The following ATP7B variants were observed in gnomAD, a reference collection of about 807,000 sequenced individuals.
ATP7B encodes the protein copper-transporting ATPase 2.
A neutral mutation model predicts 118.9 loss-of-function variants in ATP7B; 113 were observed. That is an observed-to-expected ratio of 0.95 (90% CI 0.82 to 1.11). The LOEUF (loss-of-function observed/expected upper bound fraction) is 1.11. Ranked by LOEUF, ATP7B falls within the 50% of genes most tolerant of loss-of-function variation. The pLI, the probability that ATP7B is intolerant of heterozygous loss-of-function variation, is 0.00. For synonymous variants in ATP7B, 777 were observed against 727.4 expected (o/e 1.07, Z -1.10); for missense variants, 1,867 against 1,871.4 (o/e 1.00, Z 0.04).
intron 17 of ATP7B, among the ~76,000 whole-genome samples, chr13:51,938,753 A>G (rs1017433827): frequency 1.3e-5 from 2 of 152,224 alleles, no homozygotes; most frequent in African/African-American, 4.8e-5. Context: ...TGTCTATCTC[A>G]GCCCTTAGGT....
intron 1 of ATP7B, among the ~76,000 whole-genome samples, chr13:51,995,791 G>A (rs954555933): frequency 9.2e-5 from 14 of 152,232 alleles, no homozygotes; most frequent in Admixed American, 3.3e-4. Flanking sequence ...ATCTACAACC[G>A]TCCCAGCACT....
Position 51,970,615 on chromosome 13 carries a change from T to C in ATP7B, c.1420A>G (p.Ile474Val). 1.2e-6 allele frequency: 2 copies of C among 1,614,168 alleles called. No homozygotes were observed. Among genetic ancestry groups the C allele is most frequent in the East Asian group, 2.2e-5 (1 of 44,868 alleles). The change falls in exon 3 of 21, where the codon ATC becomes GTC. Residue 474 changes from isoleucine (I) to valine (V), a missense_variant. Transcript: ENST00000242839. ...GTTGATTGTGGGGACTTTGCCAAGA[T>C]GTCCGGGGCATGGTTTGCAGGGAGC... ...GRLPANHAPDILAKSPQSTRA... is the reference protein window; with the variant it reads ...GRLPANHAPDVLAKSPQSTRA...
chr13:51,950,078 C>T lies in ATP7B; in HGVS notation c.2659G>A (p.Ala887Thr), dbSNP rs768479687. Residue 887 changes from alanine to threonine, a missense_variant, in exon 11 of 21, where the codon GCT becomes ACT. Ala to Thr is a moderately conservative substitution (Grantham distance 58). Coordinates refer to ENST00000242839, the MANE Select transcript of ATP7B (RefSeq NM_000053.4). Reference protein sequence around the residue: ...INAHGSVLIKATHVGNDTTLA... With the variant: ...INAHGSVLIKTTHVGNDTTLA... ...GTGGTGTCATTGCCCACGTGGGTAGCTTTAATGAGCACAGAGCCATGTGCA... is the reference window on the plus strand; with the variant it reads ...GTGGTGTCATTGCCCACGTGGGTAGTTTTAATGAGCACAGAGCCATGTGCA... The T allele has an allele frequency of 1.7e-5, 28 of 1,614,092 alleles. No homozygotes were observed. The highest frequency in any genetic ancestry group is 2.3e-5 in the Non-Finnish European group (27 of 1,180,044).
intron 6 of ATP7B, among the ~76,000 whole-genome samples, chr13:51,961,041 C>T (rs1832689785): frequency 6.6e-6 from 1 of 152,068 alleles, no homozygotes; most frequent in African/African-American, 2.4e-5. Context: ...GTAAGCTCCT[C>T]CTGTGCCCCA....
At chr13:51,969,900 G>C (rs945934928) in intron 3 of ATP7B, among the ~76,000 whole-genome samples, 1 of 152,138 alleles carries the variant, frequency 6.6e-6, no homozygotes, top group African/African-American at 2.4e-5. Flanking sequence ...CACATCACTG[G>C]GGTAAGAAAA....
intron 1 of ATP7B, among the ~76,000 whole-genome samples, chr13:52,000,168 C>G (rs1049567684): frequency 6.6e-6 from 1 of 152,190 alleles, no homozygotes; most frequent in Non-Finnish European, 1.5e-5. Context: ...ACTCAGGCTG[C>G]TATCACAAAA....
Position 51,934,690 on chromosome 13 carries a change from GGCT to G in ATP7B, c.*63_*65del. 6.2e-7 allele frequency: 1 copy of G among 1,602,554 alleles called. No individual in the cohort carries two copies. Among genetic ancestry groups the G allele is most frequent in the Non-Finnish European group, 8.5e-7 (1 of 1,177,056 alleles). Reference sequence around the variant, plus strand: ...GGCTAGCTCAGCCCATCCTGCTGCTGGCTGTCCTGCTCAGCTTGTGGTGAGTGG... The same window carrying G: ...GGCTAGCTCAGCCCATCCTGCTGCTGGTCCTGCTCAGCTTGTGGTGAGTGG... On this transcript the variant is annotated 3_prime_UTR_variant, in exon 21 of 21. Coordinates refer to ENST00000242839, the MANE Select transcript of ATP7B (RefSeq NM_000053.4).
chr13:51,977,603 AAGG>A (rs1345727810), intron 1 of ATP7B, among the ~76,000 whole-genome samples: 3 of 152,250 alleles, frequency 2.0e-5, no homozygotes, highest in Non-Finnish European at 4.4e-5. Flanking sequence ...TTATAAGTAG[AAGG>A]AGTACACTCT....
At chr13:51,995,335 G>A in intron 1 of ATP7B, 3 of 985,350 alleles carry the variant, frequency 3.0e-6, no homozygotes, top group South Asian at 4.7e-5. Flanking sequence ...TCATTTCCCA[G>A]GTTCCATTCA....
At chr13:51,959,988 A>G in intron 7 of ATP7B, 160 bp downstream of exon 7, 1 of 1,024,796 alleles carries the variant, frequency 9.8e-7, no homozygotes, top group Non-Finnish European at 1.5e-6. Flanking sequence ...CTGGTCATTA[A>G]GAGAGAAAAA....
intron 1 of ATP7B, among the ~76,000 whole-genome samples, chr13:52,009,646 T>G (rs1364933110): frequency 6.6e-6 from 1 of 152,178 alleles, no homozygotes; most frequent in Non-Finnish European, 1.5e-5. Flanking sequence ...CATTTGTCAG[T>G]TGATTTTTCA....
At chr13:51,953,532 C>T (rs1958138650) in intron 9 of ATP7B, among the ~76,000 whole-genome samples, 1 of 152,164 alleles carries the variant, frequency 6.6e-6, no homozygotes, top group Non-Finnish European at 1.5e-5. Flanking sequence ...ATCTTTCTAA[C>T]TCTAAGCAGC....
At chr13:51,950,198 C>A (rs370415961) in intron 10 of ATP7B, 37 bp from the exon 11 acceptor site, 121 of 1,614,066 alleles carry the variant, frequency 7.5e-5, no homozygotes, top group Non-Finnish European at 9.7e-5. Context: ...ACTTGCTCAG[C>A]CCCATCCAGC....
At chr13:51,953,074 G>C (rs537598685) in intron 9 of ATP7B, among the ~76,000 whole-genome samples, 9 of 152,332 alleles carry the variant, frequency 5.9e-5, no homozygotes, top group African/African-American at 2.2e-4. Flanking sequence ...AAAGACTGAA[G>C]TCTTTAGTGC....
rs1489384071 is a variant in ATP7B at position 51,974,848 on chromosome 13, G to C, written c.372C>G (p.Ser124Arg). Residue 124 changes from serine to arginine, a missense_variant, in exon 2 of 21, where the codon AGC (serine) becomes AGG (arginine). By Grantham distance (110) the Ser-to-Arg change is moderately radical. Coordinates refer to ENST00000242839, the MANE Select transcript of ATP7B (RefSeq NM_000053.4). ...HQIGDMGFEA[S>R]IAEGKAASWP... ...AGGAGGCTGCCTTTCCTTCTGCAAT[G>C]CTGGCCTCGAAGCCCATGTCCCCAA... 2.5e-6 allele frequency: 4 copies of C among 1,614,110 alleles called. No homozygotes were observed. In the African/African-American group the frequency reaches 5.3e-5, roughly 22 times the overall value.
intron 1 of ATP7B, among the ~76,000 whole-genome samples, chr13:52,002,167 T>C (rs1953518864): frequency 6.6e-6 from 1 of 152,124 alleles, no homozygotes; most frequent in Non-Finnish European, 1.5e-5. Flanking sequence ...ACTTAAAGAA[T>C]TTCTCAATAA....
chr13:51,990,034 G>A (rs558979125), intron 1 of ATP7B, among the ~76,000 whole-genome samples: 1 of 152,052 alleles, frequency 6.6e-6, no homozygotes, highest in South Asian at 2.1e-4. Flanking sequence ...GATGGGAAAT[G>A]CTACTTAAAA....
chr13:51,938,944 G>C, intron 17 of ATP7B, 107 bp downstream of exon 17: 4 of 1,545,844 alleles, frequency 2.6e-6, no homozygotes, highest in Non-Finnish European at 3.6e-6. Context: ...CATCCAGCAA[G>C]GGAGAAAGAG....
intron 1 of ATP7B, among the ~76,000 whole-genome samples, chr13:51,993,329 A>G (rs367952069): frequency 6.6e-6 from 1 of 150,756 alleles, no homozygotes; most frequent in East Asian, 2.0e-4. Flanking sequence ...GCACTTTGGG[A>G]GGGGGAGGCA....
Sources: allele counts gnomAD v4.1 joint callset (sites outside exome capture counted in the v4.1 genomes callset), GRCh38; gene constraint gnomAD v4.1.1; transcripts MANE v1.5; gene names NCBI Gene and HGNC (gene_info 2026-07-23, HGNC 2026-07-21).